Variants in TMPRSS9 observed in about 807,000 individuals in gnomAD.
TMPRSS9 encodes transmembrane serine protease 9.
In TMPRSS9, 113 loss-of-function variants were observed where a neutral mutation model predicts 111.4. That is an observed-to-expected ratio of 1.01 (90% confidence interval 0.87 to 1.19). The LOEUF (loss-of-function observed/expected upper bound fraction) is 1.19. Ranked by LOEUF, TMPRSS9 falls within the 50% of genes most tolerant of loss-of-function variation. The pLI, the probability that TMPRSS9 is intolerant of heterozygous loss-of-function variation, is 0.00. For synonymous variants in TMPRSS9, 805 were observed against 659.1 expected, an observed-to-expected ratio of 1.22 and a Z score of -3.39; for missense variants, 1,803 against 1,513.1, an observed-to-expected ratio of 1.19 and a Z score of -3.18.
At chr19:2,372,319 T>C (rs2145248172) in intron 1 of TMPRSS9, among the ~76,000 whole-genome samples, 1 of 151,288 alleles carries the variant, frequency 6.6e-6, no homozygotes, top group East Asian at 1.9e-4. Flanking sequence ...CTGGGGGCAT[T>C]CTCACATATC....
chr19:2,402,750 T>TA (rs1416625265), intron 5 of TMPRSS9, among the ~76,000 whole-genome samples: 1 of 151,318 alleles, frequency 6.6e-6, no homozygotes, highest in East Asian at 2.0e-4. Context: ...AAAAAATAAA[T>TA]AAATAAAATA....
intron 1 of TMPRSS9, among the ~76,000 whole-genome samples, chr19:2,380,282 T>C (rs1469834996): frequency 1.4e-5 from 2 of 142,664 alleles, no homozygotes; most frequent in Non-Finnish European, 3.0e-5. Context: ...AAACCCTGTC[T>C]TAAAAAAAAA....
intron 10 of TMPRSS9, among the ~76,000 whole-genome samples, chr19:2,414,603 C>T (rs112539261): frequency 0.017 from 2,554 of 151,610 alleles, 78 homozygotes; most frequent in African/African-American, 0.058. Context: ...TGGCAGGGTG[C>T]GGTGGCTCGT....
At chr19:2,399,887 C>T (rs1186255412) in intron 4 of TMPRSS9, among the ~76,000 whole-genome samples, 10 of 152,066 alleles carry the variant, frequency 6.6e-5, no homozygotes, top group South Asian at 4.2e-4. Context: ...CGCACCACCA[C>T]GCCTGGCTAA....
At chr19:2,419,821 C>T (rs1278290086) in intron 13 of TMPRSS9, among the ~76,000 whole-genome samples, 3 of 152,146 alleles carry the variant, frequency 2.0e-5, no homozygotes, top group African/African-American at 7.2e-5. Context: ...CCGGCCATAG[C>T]CACCATGCCC....
chr19:2,426,192 G>A lies in TMPRSS9; in HGVS notation c.*104G>A, dbSNP rs1456773630. The A allele has an allele frequency of 3.4e-6, 3 of 893,768 alleles. No homozygotes were observed. The Admixed American group carries it at 1.2e-4, about 36-fold the overall frequency. 55.4% of individuals were successfully genotyped at this position (893,768 alleles called of 1,614,324 possible). A position where few individuals can be genotyped will look rare whatever the true frequency, so the allele number is the denominator to read the frequency against. The stretch of plus-strand genomic sequence containing the variant: ...TACCCTACCCAAGGACGGGTGTGGG[G>A]GGGCTGTGGGTCATGGGGATGCATT... On this transcript the variant is annotated 3_prime_UTR_variant, in exon 18 of 18. Coordinates refer to ENST00000648592, the Ensembl canonical transcript of TMPRSS9.
chr19:2,388,805 T>A (rs1970526217), upstream of TMPRSS9, among the ~76,000 whole-genome samples: 1 of 151,714 alleles, frequency 6.6e-6, no homozygotes, highest in Non-Finnish European at 1.5e-5. Context: ...TCATTTTTTG[T>A]GGAGATGGGG....
At chr19:2,400,638 G>A (rs1162419751) in intron 4 of TMPRSS9, among the ~76,000 whole-genome samples, 1 of 152,038 alleles carries the variant, frequency 6.6e-6, no homozygotes, top group African/African-American at 2.4e-5. Flanking sequence ...GTACGGTGCA[G>A]CAGGTCATGA....
intron 7 of TMPRSS9, among the ~76,000 whole-genome samples, chr19:2,406,182 AT>A (rs1001488023): frequency 2.2e-5 from 3 of 139,254 alleles, no homozygotes; most frequent in Admixed American, 7.4e-5. Context: ...AGCTAATTTA[AT>A]TTTTTTTTGT....
chr19:2,371,787 GAC>G (rs1970292492), intron 1 of TMPRSS9, among the ~76,000 whole-genome samples: 1 of 151,850 alleles, frequency 6.6e-6, no homozygotes, highest in African/African-American at 2.4e-5. Flanking sequence ...AAAGCAAACT[GAC>G]TCACTGGGTG....
intron 9 of TMPRSS9, among the ~76,000 whole-genome samples, chr19:2,413,414 AGAG>A (rs1212166207): frequency 6.6e-6 from 1 of 152,182 alleles, no homozygotes; most frequent in Non-Finnish European, 1.5e-5. Context: ...TGAGTTAAGA[AGAG>A]GAGGGGATGT....
At chr19:2,424,959 G>A in intron 15 of TMPRSS9, 43 bp from the exon 17 acceptor site, 3 of 1,426,922 alleles carry the variant, frequency 2.1e-6, no homozygotes, top group Non-Finnish European at 2.7e-6. Context: ...GGGGCCGGGG[G>A]CGTGGGGGCT....
intron 1 of TMPRSS9, among the ~76,000 whole-genome samples, chr19:2,376,751 C>G (rs992770060): frequency 2.5e-4 from 38 of 152,142 alleles, no homozygotes; most frequent in African/African-American, 8.4e-4. Flanking sequence ...GTCGCTGTGT[C>G]CAGCCCCAAG....
At chr19:2,418,066 G>A in exon 13 of TMPRSS9, 1 of 1,612,370 alleles carries the variant, frequency 6.2e-7, no homozygotes, top group African/African-American at 1.3e-5. Flanking sequence ...CCTGTAGTGT[G>A]CTCTACAACT....
chr19:2,422,397 G>A, intron 14 of TMPRSS9, 150 bp downstream of exon 15: 2 of 1,013,954 alleles, frequency 2.0e-6, no homozygotes, highest in Non-Finnish European at 2.7e-6. Flanking sequence ...GGCGAACACG[G>A]TGAAACCTTG....
rs796952775 is a variant in TMPRSS9 at position 2,364,579 on chromosome 19, GA to G, written c.-26+4229del. Reference sequence around the variant, plus strand: ...TGTTTTGTTTACACTTTACCTTTATGAAAAAAAAAATTGGGGGGGATAATTT... The same window carrying G: ...TGTTTTGTTTACACTTTACCTTTATGAAAAAAAAATTGGGGGGGATAATTT... On this transcript the variant is annotated intron_variant, in intron 1 of 17. Coordinates refer to the TMPRSS9 transcript ENST00000649857. Among the ~76,000 whole-genome samples the G allele has an allele frequency of 4.1e-3, 608 of 148,798 alleles. 9 individuals carry two copies. The highest frequency in any genetic ancestry group is 0.014 in the African/African-American group (570 of 40,720).
At chr19:2,419,233 T>C (rs1234557835) in intron 13 of TMPRSS9, among the ~76,000 whole-genome samples, 3 of 148,200 alleles carry the variant, frequency 2.0e-5, no homozygotes, top group Non-Finnish European at 4.5e-5. Flanking sequence ...TGACGGAGTC[T>C]GGCTCTGTCG....
At chr19:2,405,391 G>A (rs1164104559) in exon 7 of TMPRSS9, 1 of 1,602,670 alleles carries the variant, frequency 6.2e-7, no homozygotes, top group South Asian at 1.1e-5. Flanking sequence ...CTTGCAGCCT[G>A]CCTGGAGGAT....
At chr19:2,421,566 C>T (rs528050425) in intron 13 of TMPRSS9, among the ~76,000 whole-genome samples, 3 of 152,214 alleles carry the variant, frequency 2.0e-5, no homozygotes, top group South Asian at 2.1e-4. Context: ...GGATTACAGG[C>T]GTGAGCCACC....
Sources: allele counts gnomAD v4.1 joint callset (sites outside exome capture counted in the v4.1 genomes callset), GRCh38; gene constraint gnomAD v4.1.1; transcripts MANE v1.5; gene names NCBI Gene and HGNC (gene_info 2026-07-23, HGNC 2026-07-21).